RASSF2: variants seen among roughly 807,000 people sequenced by gnomAD.
The protein encoded by RASSF2 is Ras association domain family member 2.
Under a neutral mutation model 46.3 loss-of-function variants are expected in RASSF2, and 34 were observed. That is an observed-to-expected ratio of 0.73 (90% CI 0.56 to 0.98). The LOEUF (loss-of-function observed/expected upper bound fraction) is 0.98. Ranked by LOEUF, RASSF2 falls within the 50% of genes least tolerant of loss-of-function variation. The pLI, the probability that RASSF2 is intolerant of heterozygous loss-of-function variation, is 0.00. For synonymous variants in RASSF2, 158 were observed against 162.5 expected (o/e 0.97, Z 0.21); for missense variants, 364 against 431.2 (o/e 0.84, Z 1.38).
chr20:4,801,062 C>T lies in RASSF2; in HGVS notation c.-32G>A. The T allele has an allele frequency of 6.2e-7, 1 of 1,609,952 alleles. No homozygotes were observed. The highest frequency in any genetic ancestry group is 8.5e-7 in the Non-Finnish European group (1 of 1,176,280). On this transcript the variant is annotated splice_region_variant and 5_prime_UTR_variant, in exon 3 of 12. It removes the in-frame stop codon of an upstream open reading frame in the 5' UTR. Coordinates refer to ENST00000379400, the MANE Select transcript of RASSF2 (RefSeq NM_014737.3). ...TTTCTCTTTTCATCGGAAGGAGAGG[C>T]CTACATTTGGAAGGAGAAGACAGAG...
chr20:4,802,710 T>G (rs1178851502), intron 2 of RASSF2, among the ~76,000 whole-genome samples: 2 of 151,938 alleles, frequency 1.3e-5, no homozygotes, highest in Non-Finnish European at 2.9e-5. Flanking sequence ...GAGAGTTTCT[T>G]AATGGGTACA....
intron 2 of RASSF2, among the ~76,000 whole-genome samples, chr20:4,820,747 T>G (rs1192255828): frequency 6.6e-6 from 1 of 152,070 alleles, no homozygotes; most frequent in African/African-American, 2.4e-5. Context: ...CCAAGCACAC[T>G]GCTGAGACCT....
chr20:4,802,065 A>C (rs1926916965), intron 2 of RASSF2, among the ~76,000 whole-genome samples: 1 of 151,602 alleles, frequency 6.6e-6, no homozygotes, highest in East Asian at 1.9e-4. Context: ...GAGCTGGCCC[A>C]TTCTTTTTTA....
chr20:4,807,919 A>G (rs1927469722), intron 2 of RASSF2, among the ~76,000 whole-genome samples: 2 of 152,180 alleles, frequency 1.3e-5, no homozygotes. Flanking sequence ...AACCACCTTC[A>G]CAAAGCACTG....
intron 10 of RASSF2, among the ~76,000 whole-genome samples, chr20:4,786,967 C>A (rs765733320): frequency 6.6e-6 from 1 of 151,718 alleles, no homozygotes; most frequent in Non-Finnish European, 1.5e-5. Flanking sequence ...CCTGTGGTCC[C>A]AGCTACGCAG....
chr20:4,815,374 T>C (rs1928220295), intron 2 of RASSF2, among the ~76,000 whole-genome samples: 1 of 127,302 alleles, frequency 7.9e-6, no homozygotes, highest in Non-Finnish European at 1.9e-5. Flanking sequence ...GAAGGGGCAC[T>C]GATTATCTGA....
chr20:4,811,847 C>A (rs74681336), intron 2 of RASSF2, among the ~76,000 whole-genome samples: 1,722 of 152,264 alleles, frequency 0.011, 94 homozygotes, highest in East Asian at 0.11. Flanking sequence ...CTTCTCTGAG[C>A]CCTGCCCCTC....
intron 2 of RASSF2, among the ~76,000 whole-genome samples, chr20:4,814,492 G>A (rs2122666716): frequency 6.6e-6 from 1 of 152,246 alleles, no homozygotes; most frequent in Middle Eastern, 3.4e-3. Flanking sequence ...GAGATCTTGA[G>A]GTTTCCTCTA....
intron 2 of RASSF2, among the ~76,000 whole-genome samples, chr20:4,816,201 T>C (rs183343182): frequency 8.4e-4 from 127 of 152,078 alleles, no homozygotes; most frequent in Non-Finnish European, 1.3e-3. Context: ...CTTGGGAGGC[T>C]GAGGTGAGGT....
chr20:4,796,006 C>T (rs772013519), intron 4 of RASSF2, 40 bp from the exon 5 acceptor site: 1 of 1,462,868 alleles, frequency 6.8e-7, no homozygotes, highest in South Asian at 1.4e-5. Context: ...CTAGAAAAGC[C>T]CCCACAGAAG....
chr20:4,811,506 A>G (rs1046255419), intron 2 of RASSF2, among the ~76,000 whole-genome samples: 23 of 152,312 alleles, frequency 1.5e-4, no homozygotes, highest in African/African-American at 5.3e-4. Flanking sequence ...GGAACCTGGT[A>G]GGGAAAGAGC....
intron 2 of RASSF2, among the ~76,000 whole-genome samples, chr20:4,806,423 A>T (rs1372556476): frequency 6.6e-6 from 1 of 152,042 alleles, no homozygotes; most frequent in East Asian, 1.9e-4. Flanking sequence ...TCTTTCTTTG[A>T]TTATTTCCCC....
chr20:4,804,870 G>A lies in RASSF2; in HGVS notation c.-32-3808C>T, dbSNP rs113828821. Among the ~76,000 whole-genome samples the A allele has an allele frequency of 7.5e-3, 1,141 of 152,222 alleles. 16 individuals carry two copies. The highest frequency in any genetic ancestry group is 0.027 in the African/African-American group (1,102 of 41,522). On this transcript the variant is annotated intron_variant, in intron 2 of 11. Transcript: ENST00000379400. ...AGAGGGCTCTGTCAAGGGAGGGTGA[G>A]TGCTATGGTAGCAAACAGGAAGGAC...
In RASSF2 at chr20:4,784,246, G is replaced by A. The variant is rs1925082553; in HGVS notation, c.*27C>T. 3.7e-6 allele frequency: 6 copies of A among 1,600,116 alleles called. No homozygotes were observed. Among genetic ancestry groups the A allele is most frequent in the Non-Finnish European group, 5.1e-6 (6 of 1,167,326 alleles). On this transcript the variant is annotated 3_prime_UTR_variant, in exon 12 of 12. Transcript: ENST00000379400. Reference sequence around the variant, plus strand: ...CTTATGGGCAATGGCGGTTCCTGGGGTGCCCAGATCCCCTCGTTCTCATGG... The same window carrying A: ...CTTATGGGCAATGGCGGTTCCTGGGATGCCCAGATCCCCTCGTTCTCATGG...
chr20:4,800,930 G>A, intron 3 of RASSF2, 42 bp downstream of exon 3: 3 of 1,530,110 alleles, frequency 2.0e-6, no homozygotes, highest in Non-Finnish European at 2.7e-6. Flanking sequence ...CCCAGCACGG[G>A]ACTGGTCACT....
At chr20:4,813,396 T>A (rs968466371) in intron 2 of RASSF2, among the ~76,000 whole-genome samples, 2 of 151,926 alleles carry the variant, frequency 1.3e-5, no homozygotes, top group Admixed American at 1.3e-4. Context: ...CAGGCCTGGG[T>A]TCCCAGACGC....
chr20:4,792,634 G>A lies in RASSF2; in HGVS notation c.288-7C>T. The A allele has an allele frequency of 6.2e-7, 1 of 1,613,748 alleles. No homozygotes were observed. The highest frequency in any genetic ancestry group is 8.5e-7 in the Non-Finnish European group (1 of 1,179,850). ...CAGGGGCTTCAGAGTGGTTCTGGGA[G>A]TGGAGAAGACAAAGGGGAGGGGGGA... On this transcript the variant is annotated splice_polypyrimidine_tract_variant and splice_region_variant and intron_variant, in intron 5 of 11. Transcript: ENST00000379400.
chr20:4,810,768 G>T (rs994868570), intron 2 of RASSF2, among the ~76,000 whole-genome samples: 1 of 152,154 alleles, frequency 6.6e-6, no homozygotes, highest in South Asian at 2.1e-4. Context: ...CCCAGTGGGG[G>T]TGAGGGAGGG....
intron 5 of RASSF2, among the ~76,000 whole-genome samples, chr20:4,793,648 TA>T (rs1212319165): frequency 1.2e-3 from 186 of 151,918 alleles, no homozygotes; most frequent in African/African-American, 4.3e-3. Flanking sequence ...TTTTTTTTTT[TA>T]TTTTATTTTT....
Sources: allele counts gnomAD v4.1 joint callset (sites outside exome capture counted in the v4.1 genomes callset), GRCh38; gene constraint gnomAD v4.1.1; transcripts MANE v1.5; gene names NCBI Gene and HGNC (gene_info 2026-07-23, HGNC 2026-07-21).